The following IQSEC1 variants were observed in gnomAD, a reference collection of about 807,000 sequenced individuals.
IQSEC1 encodes the protein IQ motif and Sec7 domain ArfGEF 1, also known as IQ motif and SEC7 domain-containing protein 1.
IQSEC1 carries 31 observed loss-of-function variants against 91.0 expected under a neutral mutation model. That is an observed-to-expected ratio of 0.34 (90% CI 0.26 to 0.46). The LOEUF (loss-of-function observed/expected upper bound fraction) is 0.46, where lower values mean the gene tolerates loss of function less well. Ranked by LOEUF, IQSEC1 falls within the 20% of genes least tolerant of loss-of-function variation. The pLI, the probability that IQSEC1 is intolerant of heterozygous loss-of-function variation, is 1.00. For missense variants in IQSEC1, 1,388 were observed against 1,575.6 expected (o/e 0.88, Z 2.02); for synonymous variants, 699 against 662.6 (o/e 1.05, Z -0.84).
Position 12,899,365 on chromosome 3 carries a change from G to A in IQSEC1, c.*1618C>T, listed in dbSNP as rs370339422. 9.3e-6 allele frequency: 15 copies of A among 1,611,462 alleles called. No homozygotes were observed. The African/African-American group carries it at 1.7e-4, about 19-fold the overall frequency. On this transcript the variant is annotated 3_prime_UTR_variant, in exon 14 of 14. Coordinates refer to ENST00000613206, the MANE Select transcript of IQSEC1 (RefSeq NM_001134382.3). The stretch of plus-strand genomic sequence containing the variant: ...AGGGCCTCCGCCTGGGCAGGCGCCG[G>A]GGGGCAGTCCTCGGGTCCCATGGCT...
At chr3:13,129,831 T>G (rs992454559) in intron 2 of IQSEC1, among the ~76,000 whole-genome samples, 3 of 151,634 alleles carry the variant, frequency 2.0e-5, no homozygotes, top group African/African-American at 7.3e-5. Flanking sequence ...CTAGTTTTTT[T>G]GTGTTTTTAG....
intron 1 of IQSEC1, among the ~76,000 whole-genome samples, chr3:13,268,536 T>C (rs73138159): frequency 0.059 from 8,928 of 152,210 alleles, 878 homozygotes; most frequent in African/African-American, 0.2. Context: ...TGAGCAAGAC[T>C]CCCACCATGA....
chr3:12,936,726 G>GC, intron 2 of IQSEC1, 29 bp from the exon 3 acceptor site: 3 of 1,534,918 alleles, frequency 2.0e-6, no homozygotes, highest in Non-Finnish European at 1.8e-6. Flanking sequence ...AATGAGAACA[G>GC]CACTGCATGT....
Position 13,154,460 on chromosome 3 carries a change from T to C in IQSEC1, c.302+9644A>G, listed in dbSNP as rs1376281870. On this transcript the variant is annotated intron_variant, in intron 2 of 15. Coordinates refer to the IQSEC1 transcript ENST00000648114. ...ATGCATATATATATATATATATATA[T>C]ATATATATATATATATGCAAAAACT... Among the ~76,000 whole-genome samples the C allele has an allele frequency of 2.7e-4, 16 of 59,432 alleles. 4 individuals are homozygous for C. The highest frequency in any genetic ancestry group is 1.1e-3 in the East Asian group (1 of 882). The allele number at this position is 59,432 out of a possible 152,430, so 39.0% of individuals were successfully genotyped here.
At chr3:13,265,318 C>T (rs1001580787) in intron 1 of IQSEC1, among the ~76,000 whole-genome samples, 7 of 148,364 alleles carry the variant, frequency 4.7e-5, no homozygotes, top group Admixed American at 6.8e-5. Flanking sequence ...ACTGGCACTG[C>T]GTGAAGCACC....
Position 12,967,669 on chromosome 3 carries a change from C to G in IQSEC1, c.24-25804G>C. ...CGAGCCCCAGGCCAGCCAAGCCCGC[C>G]CCTCCGCCGCCGCCCGCTTGGCGCA... On this transcript the variant is annotated intron_variant, in intron 1 of 13. Transcript: ENST00000613206. This position sits in a 1 kb window ranked among gnomAD's most constrained non-coding sequence, Gnocchi z 5.9. The G allele has an allele frequency of 8.5e-7, 1 of 1,174,966 alleles. No individual in the cohort carries two copies. The highest frequency in any genetic ancestry group is 1.0e-6 in the Non-Finnish European group (1 of 952,710). 72.8% of individuals were successfully genotyped at this position (1,174,966 alleles called of 1,614,324 possible). A position where few individuals can be genotyped will look rare whatever the true frequency, so the allele number is the denominator to read the frequency against.
intron 1 of IQSEC1, among the ~76,000 whole-genome samples, chr3:13,249,908 C>T (rs568160745): frequency 2.0e-5 from 3 of 152,352 alleles, no homozygotes; most frequent in East Asian, 1.9e-4. Flanking sequence ...CCACTAACCA[C>T]GCAGATGCCC....
chr3:13,174,319 G>A (rs1452978096), intron 1 of IQSEC1, among the ~76,000 whole-genome samples: 3 of 152,138 alleles, frequency 2.0e-5, no homozygotes, highest in East Asian at 1.9e-4. Context: ...GCACTGCCCC[G>A]GGAGTCCACA....
intron 1 of IQSEC1, among the ~76,000 whole-genome samples, chr3:13,192,669 G>A (rs1694057367): frequency 6.6e-6 from 1 of 152,358 alleles, no homozygotes; most frequent in African/African-American, 2.4e-5. Flanking sequence ...ACCAGCCTGC[G>A]GGGGCAGTGA....
At chr3:13,022,602 C>T (rs1008206651) in intron 1 of IQSEC1, 8 of 247,694 alleles carry the variant, frequency 3.2e-5, no homozygotes, top group East Asian at 3.6e-4. Flanking sequence ...GGGAGGCGGG[C>T]GGGGAGGCGA....
At chr3:13,160,462 C>T (rs781317977) in intron 2 of IQSEC1, among the ~76,000 whole-genome samples, 91 of 152,202 alleles carry the variant, frequency 6.0e-4, no homozygotes, top group Non-Finnish European at 1.0e-3. Flanking sequence ...AGCCCTGCCC[C>T]TGTGTGTCCT....
At chr3:13,109,078 T>C (rs1314319669) in intron 2 of IQSEC1, among the ~76,000 whole-genome samples, 2 of 151,922 alleles carry the variant, frequency 1.3e-5, no homozygotes, top group East Asian at 2.0e-4. Context: ...ACCACCAACA[T>C]GGAAGGGGAT....
intron 1 of IQSEC1, among the ~76,000 whole-genome samples, chr3:13,006,337 C>T (rs1224049771): frequency 6.6e-6 from 1 of 152,222 alleles, no homozygotes; most frequent in Non-Finnish European, 1.5e-5. Flanking sequence ...GTGATTGGGG[C>T]ACGTGGAGGG....
intron 1 of IQSEC1, among the ~76,000 whole-genome samples, chr3:13,272,735 G>T (rs1336738212): frequency 6.6e-6 from 1 of 152,226 alleles, no homozygotes; most frequent in Non-Finnish European, 1.5e-5. Context: ...GTGGGAGGGG[G>T]ATGGAACTTT....
chr3:13,166,388 T>C (rs1268613438), intron 1 of IQSEC1, among the ~76,000 whole-genome samples: 2 of 152,178 alleles, frequency 1.3e-5, no homozygotes, highest in African/African-American at 4.8e-5. Context: ...CCAGTGCTTG[T>C]TATGTGGCTG....
intron 1 of IQSEC1, among the ~76,000 whole-genome samples, chr3:13,045,625 A>G (rs918907966): frequency 6.6e-5 from 10 of 152,214 alleles, no homozygotes; most frequent in African/African-American, 2.4e-4. Context: ...ATCCTAGAAC[A>G]AAGAGCCCCA....
At chr3:13,065,486 T>C (rs1409184011) in intron 1 of IQSEC1, among the ~76,000 whole-genome samples, 2 of 152,214 alleles carry the variant, frequency 1.3e-5, no homozygotes, top group Admixed American at 6.5e-5. Flanking sequence ...AAGCTAAACT[T>C]CATCACTCAC....
At chr3:12,951,329 G>A (rs1008284453) in intron 1 of IQSEC1, among the ~76,000 whole-genome samples, 3 of 152,068 alleles carry the variant, frequency 2.0e-5, no homozygotes, top group Admixed American at 6.5e-5. Flanking sequence ...AGGCTAAGGC[G>A]CGAGAACTGC....
At chr3:13,046,812 A>G (rs360902) in intron 1 of IQSEC1, among the ~76,000 whole-genome samples, 56,089 of 151,650 alleles carry the variant, frequency 0.37, 11,324 homozygotes, top group East Asian at 0.64. Context: ...CCCAATTCAC[A>G]TCGATGCACC....
Sources: gnomAD v4.1 joint callset for allele counts (sites outside exome capture counted in the v4.1 genomes callset) on GRCh38, gnomAD v4.1.1 for gene constraint, Gnocchi (gnomAD v3.1) non-coding constraint, MANE v1.5 for transcripts, NCBI Gene and HGNC (gene_info 2026-07-23, HGNC 2026-07-21) for gene names.